The following INF2 variants were observed in gnomAD, a reference collection of about 807,000 sequenced individuals.
INF2 encodes inverted formin-2.
A neutral mutation model predicts 123.5 loss-of-function variants in INF2; 43 were observed. The observed-to-expected ratio is 0.35, with a 90% confidence interval of 0.27 to 0.45. The LOEUF (loss-of-function observed/expected upper bound fraction) is 0.45. Among genes scored for constraint, INF2 ranks in the 20% least tolerant of loss-of-function variants. The pLI, the probability that INF2 is intolerant of heterozygous loss-of-function variation, is 1.00. For missense variants in INF2, 1,453 were observed against 1,682.7 expected (o/e 0.86, Z 2.39); for synonymous variants, 851 against 745.0 (o/e 1.14, Z -2.32).
At chr14:104,701,296 G>A (rs1889476155) in intron 1 of INF2, 61 bp from the exon 2 acceptor site, 1 of 1,516,612 alleles carries the variant, frequency 6.6e-7, no homozygotes, top group Non-Finnish European at 8.9e-7. Context: ...GCCTGCGCTG[G>A]TGGCCAGGAG....
At position 104,721,129 on chromosome 14, in the gene INF2, G is replaced by A. The variant is rs1278441912; in HGVS notation, c.*2336G>A. 3.0e-5 allele frequency: 4 copies of A among 135,316 alleles called. No homozygotes were observed. Among genetic ancestry groups the A allele is most frequent in the African/African-American group, 9.1e-5 (3 of 33,072 alleles). The allele number at this position is 135,316 out of a possible 1,614,324, so 8.4% of individuals were successfully genotyped here. ...TGTGGATGCTGCTGTGGACGTCTGC[G>A]TCGTCCTCGATGCTGCTGTGGACGT... is the stretch of plus-strand genomic sequence containing the variant. On this transcript the variant is annotated 3_prime_UTR_variant, in exon 23 of 23. Transcript: ENST00000392634.
At chr14:104,690,010 A>T (rs1888861575) in intron 1 of INF2, 1 of 152,458 alleles carries the variant, frequency 6.6e-6, no homozygotes, top group African/African-American at 2.4e-5. Flanking sequence ...TGGTGGGCCC[A>T]GGGTCGGCCG....
chr14:104,700,963 C>G (rs1889451481), intron 1 of INF2: 2 of 695,336 alleles, frequency 2.9e-6, no homozygotes, highest in African/African-American at 3.9e-5. Flanking sequence ...GCATCATTAC[C>G]GTGGGTAATG....
intron 1 of INF2, among the ~76,000 whole-genome samples, chr14:104,692,193 G>A (rs1192630859): frequency 1.3e-5 from 2 of 152,218 alleles, no homozygotes; most frequent in Non-Finnish European, 2.9e-5. Flanking sequence ...AGCCTGCGGG[G>A]TCCCTCCGCA....
chr14:104,701,282 C>T (rs758289319), intron 1 of INF2, 75 bp from the exon 2 acceptor site: 324 of 1,477,668 alleles, frequency 2.2e-4, no homozygotes, highest in Non-Finnish European at 2.7e-4. Context: ...AGGGAAGTGG[C>T]CCCGCCTGCG....
chr14:104,699,167 T>C lies in INF2; in HGVS notation c.-9-2190T>C, dbSNP rs570065543. ...GGCTCTCGGCGGCACTGCTTGTCTC[T>C]AAAAGGTCAGGATTTTTTGCATGGA... On this transcript the variant is annotated intron_variant, in intron 1 of 22. Coordinates refer to ENST00000392634, the MANE Select transcript of INF2 (RefSeq NM_022489.4). This position sits in a 1 kb window ranked among gnomAD's most constrained non-coding sequence, Gnocchi z 4.7. Among the ~76,000 whole-genome samples the C allele has an allele frequency of 5.5e-4, 84 of 152,072 alleles. 1 individual carries two copies. Among genetic ancestry groups the C allele is most frequent in the Admixed American group, 4.9e-3 (75 of 15,280 alleles).
intron 15 of INF2, among the ~76,000 whole-genome samples, 158 bp downstream of exon 15, chr14:104,711,344 G>C (rs146540509): frequency 6.6e-6 from 1 of 151,996 alleles, no homozygotes; most frequent in African/African-American, 2.4e-5. Flanking sequence ...TCAGAGCCAC[G>C]CCCCCACCCC....
At chr14:104,711,758 C>T (rs1890057706) in intron 16 of INF2, 59 bp downstream of exon 16, 5 of 1,535,284 alleles carry the variant, frequency 3.3e-6, no homozygotes, top group Non-Finnish European at 4.5e-6. Context: ...CTTCTGTCCC[C>T]AGGCAGTGAG....
In INF2 at chr14:104,707,702, C is replaced by A; in HGVS notation, c.1435C>A (p.Pro479Thr). 4 of 1,200,800 alleles carry A rather than the reference C, an allele frequency of 3.3e-6. No homozygotes were observed. The highest frequency in any genetic ancestry group is 3.5e-6 in the Non-Finnish European group (3 of 847,874). 74.4% of individuals were successfully genotyped at this position (1,200,800 alleles called of 1,614,324 possible). Residue 479 changes from proline (P) to threonine (T), a missense_variant, in exon 8 of 23, where the codon CCC becomes ACC. Pro to Thr is a conservative substitution (Grantham distance 38). Coordinates refer to ENST00000392634, the MANE Select transcript of INF2 (RefSeq NM_022489.4). ...MAPPAPPLPP[P>T]LPGSCEFLPP... ...CCCCCCAGCACCTCCTCTACCACCA[C>A]CCCTGCCAGGCTCCTGTGAGTTCCT... is the stretch of plus-strand genomic sequence containing the variant.
At chr14:104,712,712 G>C in intron 17 of INF2, 116 bp from the exon 18 acceptor site, 1 of 1,466,202 alleles carries the variant, frequency 6.8e-7, no homozygotes, top group Non-Finnish European at 9.2e-7. Context: ...CCTTGTCAGA[G>C]ACCACCGTCC....
At chr14:104,706,671 C>T (rs1889794255) in intron 6 of INF2, among the ~76,000 whole-genome samples, 1 of 152,178 alleles carries the variant, frequency 6.6e-6, no homozygotes, top group Admixed American at 6.5e-5. Context: ...GCTGCCACGG[C>T]TGGGCAGGGG....
At chr14:104,718,699 TGAG>T (rs1890432745) in intron 22 of INF2, 93 bp from the exon 23 acceptor site, 1 of 1,561,776 alleles carries the variant, frequency 6.4e-7, no homozygotes, top group Admixed American at 1.9e-5. Context: ...ACAGTGGCGA[TGAG>T]GGGTTCAGGG....
At position 104,714,862 on chromosome 14, in the gene INF2, T is replaced by C; in HGVS notation, c.3694+6T>C. The C allele has an allele frequency of 6.4e-7, 1 of 1,550,774 alleles. No homozygotes were observed. The highest frequency in any genetic ancestry group is 2.3e-5 in the East Asian group (1 of 43,300). Reference sequence around the variant, plus strand: ...TCCCTCCAGGAGCCAGGAAGGTAACTCAGGGAGGGGCCCCGGGCACCGTCC... The same window carrying C: ...TCCCTCCAGGAGCCAGGAAGGTAACCCAGGGAGGGGCCCCGGGCACCGTCC... On this transcript the variant is annotated splice_donor_region_variant and intron_variant, in intron 21 of 22. Coordinates refer to ENST00000392634, the MANE Select transcript of INF2 (RefSeq NM_022489.4).
intron 1 of INF2, chr14:104,700,869 G>C: frequency 1.0e-6 from 1 of 985,324 alleles, no homozygotes; most frequent in Non-Finnish European, 1.2e-6. Context: ...CCTGAGGTTT[G>C]GAATCTCCCT....
chr14:104,709,787 G>T, intron 12 of INF2, 82 bp downstream of exon 12: 1 of 1,253,976 alleles, frequency 8.0e-7, no homozygotes, highest in Non-Finnish European at 1.2e-6. Context: ...CCCAGCCAGG[G>T]AGGAGAAGAG....
At chr14:104,696,758 G>A (rs1316105519) in intron 1 of INF2, among the ~76,000 whole-genome samples, 1 of 152,122 alleles carries the variant, frequency 6.6e-6, no homozygotes, top group Non-Finnish European at 1.5e-5. Flanking sequence ...ATACAGTGTG[G>A]CAGCCCCTGC....
At chr14:104,718,012 C>A (rs529947176) in intron 22 of INF2, among the ~76,000 whole-genome samples, 11 of 152,252 alleles carry the variant, frequency 7.2e-5, no homozygotes, top group African/African-American at 2.7e-4. Flanking sequence ...GTTCCTAGCT[C>A]ACCCCAGACT....
At chr14:104,713,336 G>A in intron 19 of INF2, 27 bp downstream of exon 19, 5 of 1,551,928 alleles carry the variant, frequency 3.2e-6, no homozygotes, top group Non-Finnish European at 4.4e-6. Context: ...TGGGCGGGGA[G>A]GGGGTGACTC....
chr14:104,711,017 G>T lies in INF2; in HGVS notation c.2310+10G>T, dbSNP rs1890022694. 6.2e-7 allele frequency: 1 copy of T among 1,611,834 alleles called. No individual in the cohort carries two copies. ...GAACTTCCTCAACTACGTAAGTCAG[G>T]GGCAGCTCCCCATCCCACCTGGTGC... is the stretch of plus-strand genomic sequence containing the variant. On this transcript the variant is annotated intron_variant, in intron 14 of 22. Coordinates refer to ENST00000392634, the MANE Select transcript of INF2 (RefSeq NM_022489.4).
Sources: gnomAD v4.1 joint callset for allele counts (sites outside exome capture counted in the v4.1 genomes callset) on GRCh38, gnomAD v4.1.1 for gene constraint, Gnocchi (gnomAD v3.1) non-coding constraint, MANE v1.5 for transcripts, NCBI Gene and HGNC (gene_info 2026-07-23, HGNC 2026-07-21) for gene names.